The following KCNMA1 variants were observed in gnomAD, a reference collection of about 807,000 sequenced individuals.
KCNMA1 encodes Calcium-activated potassium channel subunit alpha-1.
KCNMA1 carries 29 observed loss-of-function variants against 140.0 expected under a neutral mutation model. The observed-to-expected ratio is 0.21, with a 90% CI of 0.15 to 0.28. The LOEUF (loss-of-function observed/expected upper bound fraction) is 0.28. Among genes scored for constraint, KCNMA1 ranks in the 10% least tolerant of loss-of-function variants. The probability of loss-of-function intolerance (pLI) is 1.00; values close to 1 mark genes in which losing one functional copy is unlikely to be tolerated. For missense variants in KCNMA1, 880 were observed against 1,602.2 expected (o/e 0.55, Z 7.70); for synonymous variants, 612 against 611.9 (o/e 1.00, Z 0.00).
At position 76,915,028 on chromosome 10, in the gene KCNMA1, T is replaced by C; in HGVS notation, c.2924A>G (p.Asp975Gly). 2 of 1,613,170 alleles carry C rather than the reference T, an allele frequency of 1.2e-6. No individual in the cohort carries two copies. Among genetic ancestry groups the C allele is most frequent in the Non-Finnish European group, 1.7e-6 (2 of 1,179,358 alleles). The change falls in exon 24 of 28, where the codon GAT becomes GGT. Residue 975 changes from aspartate to glycine, a missense_variant. By Grantham distance (94) the Asp-to-Gly change is moderately conservative. This residue lies in a region of KCNMA1 where 44 missense variants were observed against 58.2 expected (regional missense o/e 0.76). Transcript: ENST00000286628. ...NSQGFTPPGM[D>G]RSSPDNSPVH... Reference sequence around the variant, plus strand: ...TGGGCTGTTATCTGGAGAGGATCTATCCATTCCTGGAGGTGTGAACCCTAG... The same window carrying C: ...TGGGCTGTTATCTGGAGAGGATCTACCCATTCCTGGAGGTGTGAACCCTAG...
chr10:76,911,190 T>C (rs2152384782), intron 24 of KCNMA1: 1 of 140,080 alleles, frequency 7.1e-6, no homozygotes, highest in East Asian at 2.4e-4. Context: ...ACTTTCTTGA[T>C]AACTCTTCTT....
intron 18 of KCNMA1, among the ~76,000 whole-genome samples, chr10:77,007,257 T>C (rs1289005063): frequency 6.6e-6 from 1 of 152,198 alleles, no homozygotes; most frequent in East Asian, 1.9e-4. Flanking sequence ...TGCTCATTGC[T>C]GAAATGGAAT....
intron 19 of KCNMA1, among the ~76,000 whole-genome samples, chr10:76,993,320 G>A (rs1458625765): frequency 6.6e-6 from 1 of 152,306 alleles, no homozygotes; most frequent in African/African-American, 2.4e-5. Flanking sequence ...GGATGCAGCC[G>A]AGTGGGTCTC....
intron 2 of KCNMA1, among the ~76,000 whole-genome samples, chr10:77,398,457 G>A (rs780356240): frequency 7.9e-5 from 12 of 152,198 alleles, no homozygotes; most frequent in Non-Finnish European, 1.2e-4. Context: ...TAGAGATGTT[G>A]AGTATTTTTT....
chr10:77,079,367 AGAGT>A, intron 13 of KCNMA1, 110 bp downstream of exon 13: 1 of 379,352 alleles, frequency 2.6e-6, no homozygotes, highest in South Asian at 3.3e-5. Flanking sequence ...TGGGCATGTG[AGAGT>A]GTGTGTGTGT....
At chr10:77,017,410 C>T (rs2153474791) in intron 17 of KCNMA1, among the ~76,000 whole-genome samples, 1 of 152,260 alleles carries the variant, frequency 6.6e-6, no homozygotes, top group Non-Finnish European at 1.5e-5. Context: ...CCCATTAATC[C>T]TAATTTCCCT....
Position 76,988,345 on chromosome 10 carries a change from T to C in KCNMA1, c.2266+13062A>G, listed in dbSNP as rs1204917073. 2.0e-5 allele frequency among the ~76,000 whole-genome samples: 3 copies of C among 152,192 alleles called. No individual in the cohort carries two copies. In the East Asian group the frequency reaches 5.8e-4, roughly 30 times the overall value. On this transcript the variant is annotated intron_variant, in intron 19 of 27. Transcript: ENST00000286628. Reference sequence around the variant, plus strand: ...TAAAGCAAGGTAGGAAAGGTGATGATGTGAAGTCTCAACACCAACTGGACC... The same window carrying C: ...TAAAGCAAGGTAGGAAAGGTGATGACGTGAAGTCTCAACACCAACTGGACC...
chr10:77,246,889 A>G (rs542890284), intron 3 of KCNMA1, among the ~76,000 whole-genome samples: 54 of 152,212 alleles, frequency 3.5e-4, no homozygotes, highest in Non-Finnish European at 6.5e-4. Flanking sequence ...CCTAACGTCC[A>G]TATCCCCAAA....
intron 2 of KCNMA1, among the ~76,000 whole-genome samples, chr10:77,399,910 T>G (rs2096204430): frequency 6.6e-6 from 1 of 152,192 alleles, no homozygotes; most frequent in African/African-American, 2.4e-5. Context: ...TGGCAAATTC[T>G]TCCCCAGCTG....
At chr10:77,402,514 G>C (rs2096304467) in intron 2 of KCNMA1, among the ~76,000 whole-genome samples, 1 of 152,214 alleles carries the variant, frequency 6.6e-6, no homozygotes, top group Non-Finnish European at 1.5e-5. Context: ...GCTCACGGCA[G>C]ATCCCTCGGT....
chr10:77,185,073 A>G (rs1240561274), intron 3 of KCNMA1, among the ~76,000 whole-genome samples, 157 bp from the exon 4 acceptor site: 1 of 152,140 alleles, frequency 6.6e-6, no homozygotes, highest in African/African-American at 2.4e-5. Flanking sequence ...ATCATCAAGC[A>G]AGCATTGCCA....
intron 1 of KCNMA1, among the ~76,000 whole-genome samples, chr10:77,599,580 T>A (rs958427698): frequency 2.6e-5 from 4 of 152,148 alleles, no homozygotes; most frequent in African/African-American, 9.7e-5. Flanking sequence ...AGGAATAAGG[T>A]TTGCTAGAGA....
chr10:77,540,968 G>A (rs1468707339), intron 1 of KCNMA1, among the ~76,000 whole-genome samples: 6 of 149,776 alleles, frequency 4.0e-5, no homozygotes, highest in African/African-American at 2.5e-5. Context: ...TCGCACCACT[G>A]CACTCCAGCT....
intron 1 of KCNMA1, among the ~76,000 whole-genome samples, chr10:77,612,345 G>A (rs2087256873): frequency 6.6e-6 from 1 of 152,150 alleles, no homozygotes; most frequent in African/African-American, 2.4e-5. Context: ...TGTGATGCAT[G>A]AAACAATTAT....
chr10:76,951,286 C>A (rs1368837363), intron 21 of KCNMA1, among the ~76,000 whole-genome samples: 1 of 152,170 alleles, frequency 6.6e-6, no homozygotes, highest in Non-Finnish European at 1.5e-5. Flanking sequence ...AGAGCCTCAG[C>A]CCCGGTGTGT....
chr10:77,523,177 G>A (rs1156949166), intron 1 of KCNMA1, among the ~76,000 whole-genome samples: 1 of 149,184 alleles, frequency 6.7e-6, no homozygotes, highest in Non-Finnish European at 1.5e-5. Context: ...AAGAACAGAA[G>A]CTATGTCTTA....
intron 25 of KCNMA1, among the ~76,000 whole-genome samples, chr10:76,909,646 C>A (rs1266103640): frequency 1.3e-5 from 2 of 152,140 alleles, no homozygotes; most frequent in African/African-American, 4.8e-5. Context: ...CCCCCAAGAT[C>A]TCCCCTCTTT....
intron 9 of KCNMA1, among the ~76,000 whole-genome samples, chr10:77,099,921 G>A (rs1330664326): frequency 6.6e-6 from 1 of 152,064 alleles, no homozygotes; most frequent in African/African-American, 2.4e-5. Flanking sequence ...TATTACCTAT[G>A]CTCTCCACTG....
chr10:77,173,190 A>C (rs988234859), intron 5 of KCNMA1, among the ~76,000 whole-genome samples: 2 of 152,192 alleles, frequency 1.3e-5, no homozygotes, highest in African/African-American at 4.8e-5. Context: ...TGGGTCAAGA[A>C]GCTCAGAAGA....
Sources: gnomAD v4.1 joint callset for allele counts (sites outside exome capture counted in the v4.1 genomes callset) on GRCh38, gnomAD v4.1.1 for gene constraint, gnomAD v4.1.1 regional missense constraint, MANE v1.5 for transcripts, NCBI Gene and HGNC (gene_info 2026-07-23, HGNC 2026-07-21) for gene names.